HELZ: variants seen among roughly 807,000 people sequenced by gnomAD.
HELZ encodes ATP-dependent RNA helicase with zinc finger domain.
Under a neutral mutation model 218.2 loss-of-function variants are expected in HELZ, and 23 were observed. That is an observed-to-expected ratio of 0.11 (90% CI 0.08 to 0.15). The LOEUF is 0.15. Ranked by LOEUF, HELZ falls within the 10% of genes least tolerant of loss-of-function variation. The pLI is 1.00. For synonymous variants in HELZ, 814 were observed against 829.4 expected, an observed-to-expected ratio of 0.98 and a Z score of 0.32; for missense variants, 1,813 against 2,353.7, an observed-to-expected ratio of 0.77 and a Z score of 4.75.
chr17:67,077,536 G>GT lies in HELZ; in HGVS notation c.*715dup, dbSNP rs1176283002. 6.6e-6 allele frequency: 1 copy of GT among 151,488 alleles called. No individual in the cohort carries two copies. The highest frequency in any genetic ancestry group is 1.5e-5 in the Non-Finnish European group (1 of 67,860). 9.4% of individuals were successfully genotyped at this position (151,488 alleles called of 1,614,324 possible). A position where few individuals can be genotyped will look rare whatever the true frequency, so the allele number is the denominator to read the frequency against. On this transcript the variant is annotated 3_prime_UTR_variant, in exon 33 of 33. Coordinates refer to ENST00000358691, the MANE Select transcript of HELZ (RefSeq NM_014877.4). The stretch of plus-strand genomic sequence containing the variant: ...AATTAACATTAAAAACAAGCTTGAA[G>GT]TGTAGCTTGTCCAAAAAATAACTAA...
intron 32 of HELZ, among the ~76,000 whole-genome samples, chr17:67,085,218 A>C (rs1361190107): frequency 6.6e-6 from 1 of 152,176 alleles, no homozygotes; most frequent in African/African-American, 2.4e-5. Flanking sequence ...CAGGAGTTTG[A>C]GACCAGCCTG....
At position 67,226,640 on chromosome 17, in the gene HELZ, C is replaced by T. The variant is rs140697013; in HGVS notation, c.-18-7818G>A. On this transcript the variant is annotated intron_variant, in intron 3 of 32. Coordinates refer to ENST00000358691, the MANE Select transcript of HELZ (RefSeq NM_014877.4). Reference sequence around the variant, plus strand: ...CACTATATGACCCAGCAATCCCCTTCGCCCCTCAGATACCACAGAGAAATG... The same window carrying T: ...CACTATATGACCCAGCAATCCCCTTTGCCCCTCAGATACCACAGAGAAATG... 7.3e-4 allele frequency among the ~76,000 whole-genome samples: 111 copies of T among 152,272 alleles called. 2 individuals carry two copies. Among genetic ancestry groups the T allele is most frequent in the East Asian group, 6.6e-3 (34 of 5,178 alleles).
chr17:67,073,180 T>G lies in HELZ; in HGVS notation c.*5072A>C, dbSNP rs1296299061. 5 of 152,504 alleles carry G rather than the reference T, an allele frequency of 3.3e-5. No individual in the cohort carries two copies. The highest frequency in any genetic ancestry group is 9.7e-5 in the African/African-American group (4 of 41,444). The allele number at this position is 152,504 out of a possible 1,614,324, so 9.4% of individuals were successfully genotyped here. On this transcript the variant is annotated 3_prime_UTR_variant, in exon 33 of 33. Coordinates refer to ENST00000358691, the MANE Select transcript of HELZ (RefSeq NM_014877.4). ...TTCTCAAACATTAAAAAAGTATTAA[T>G]GAAAACACTTCATAAAATCAAAAAT...
At position 67,076,982 on chromosome 17, in the gene HELZ, T is replaced by C. The variant is rs1173145791; in HGVS notation, c.*1270A>G. 1 of 152,170 alleles carries C rather than the reference T, an allele frequency of 6.6e-6. No individual in the cohort carries two copies. Among genetic ancestry groups the C allele is most frequent in the African/African-American group, 2.4e-5 (1 of 41,426 alleles). The allele number at this position is 152,170 out of a possible 1,614,324, so 9.4% of individuals were successfully genotyped here. On this transcript the variant is annotated 3_prime_UTR_variant, in exon 33 of 33. Coordinates refer to ENST00000358691, the MANE Select transcript of HELZ (RefSeq NM_014877.4). ...GACAAGACCATAAGTTTCAAGAGGG[T>C]AAACATCTTCCTTTGGATTTTACCA...
At chr17:67,167,237 A>G (rs1329561874) in intron 14 of HELZ, among the ~76,000 whole-genome samples, 1 of 152,260 alleles carries the variant, frequency 6.6e-6, no homozygotes, top group East Asian at 1.9e-4. Flanking sequence ...CTCTAATCAG[A>G]AAGCTCAACC....
chr17:67,127,242 C>G (rs530399054), intron 24 of HELZ, among the ~76,000 whole-genome samples: 22 of 152,300 alleles, frequency 1.4e-4, no homozygotes, highest in African/African-American at 5.1e-4. Context: ...CAGGCGGACT[C>G]GGGGGCTAAT....
At position 67,148,782 on chromosome 17, in the gene HELZ, A is replaced by T. The variant is rs2302670; in HGVS notation, c.2476-68T>A. 8.3e-6 allele frequency: 12 copies of T among 1,445,988 alleles called. No homozygotes were observed. In the East Asian group the frequency reaches 2.8e-4, roughly 34 times the overall value. 89.6% of individuals were successfully genotyped at this position (1,445,988 alleles called of 1,614,324 possible). ...AAATAGTATTTTTTAACCTACTTAT[A>T]AAAAATCCACTATGCTAAAACTTCT... On this transcript the variant is annotated intron_variant, in intron 19 of 32. Coordinates refer to ENST00000358691, the MANE Select transcript of HELZ (RefSeq NM_014877.4).
upstream of HELZ, chr17:67,245,935 A>T (rs2041471480): frequency 1.3e-5 from 2 of 152,016 alleles, no homozygotes; most frequent in Admixed American, 1.3e-4. Flanking sequence ...CCACCCTGGG[A>T]GCGTCCGGGC....
chr17:67,212,966 G>C (rs1195593652), intron 5 of HELZ, among the ~76,000 whole-genome samples: 1 of 152,090 alleles, frequency 6.6e-6, no homozygotes, highest in Non-Finnish European at 1.5e-5. Context: ...CTTAGGCATC[G>C]GTTAAACTTA....
chr17:67,171,301 C>T (rs1194662019), intron 13 of HELZ, among the ~76,000 whole-genome samples: 1 of 152,150 alleles, frequency 6.6e-6, no homozygotes, highest in East Asian at 1.9e-4. Context: ...ATTACATGCC[C>T]TTTAAACTCA....
intron 32 of HELZ, among the ~76,000 whole-genome samples, 183 bp from the exon 33 acceptor site, chr17:67,078,769 T>C (rs1262210636): frequency 6.6e-6 from 1 of 152,036 alleles, no homozygotes; most frequent in African/African-American, 2.4e-5. Flanking sequence ...AACGTCCCTA[T>C]CTTATAGACA....
intron 19 of HELZ, among the ~76,000 whole-genome samples, chr17:67,149,090 T>C (rs948521132): frequency 2.0e-5 from 3 of 152,194 alleles, no homozygotes; most frequent in African/African-American, 7.2e-5. Flanking sequence ...GATGAGCTGG[T>C]AGGACATACA....
intron 28 of HELZ, among the ~76,000 whole-genome samples, chr17:67,111,741 A>T (rs17700212): frequency 6.6e-6 from 1 of 152,188 alleles, no homozygotes; most frequent in East Asian, 1.9e-4. Context: ...ATTCTATCTC[A>T]GTTTTCCCAA....
intron 18 of HELZ, 91 bp downstream of exon 18, chr17:67,150,955 G>T: frequency 1.9e-6 from 2 of 1,035,974 alleles, no homozygotes; most frequent in Non-Finnish European, 2.9e-6. Context: ...CAGTGAGCCA[G>T]ATTTGGCCCA....
intron 13 of HELZ, among the ~76,000 whole-genome samples, chr17:67,175,364 T>TC (rs765435552): frequency 2.0e-5 from 3 of 151,852 alleles, no homozygotes; most frequent in Non-Finnish European, 4.4e-5. Context: ...CATAGACACC[T>TC]CCCCCAAAAT....
Position 67,149,926 on chromosome 17 carries a change from T to A in HELZ, c.2416A>T (p.Met806Leu). ...AAQAMECETIMPLALATQNTR... is the reference protein window; with the variant it reads ...AAQAMECETILPLALATQNTR... ...TTTTGAGTTGCTAATGCTAGAGGCA[T>A]AATGGTTTCACACTCCATGGCCTGG... Residue 806 changes from methionine (M) to leucine (L), a missense_variant, in exon 19 of 33, where the codon ATG becomes TTG. Met to Leu is a conservative substitution (Grantham distance 15). Coordinates refer to ENST00000358691, the MANE Select transcript of HELZ (RefSeq NM_014877.4). The A allele has an allele frequency of 2.5e-6, 4 of 1,611,518 alleles. No homozygotes were observed. Among genetic ancestry groups the A allele is most frequent in the African/African-American group, 2.7e-5 (2 of 74,886 alleles).
chr17:67,208,400 T>C (rs528804037), intron 5 of HELZ, among the ~76,000 whole-genome samples: 4 of 152,198 alleles, frequency 2.6e-5, no homozygotes, highest in Non-Finnish European at 5.9e-5. Flanking sequence ...TTCCTTGTAC[T>C]AATGTTAATT....
rs191465493 is a variant in HELZ, at chr17:67,169,055, T to G, written c.1431-1259A>C. The stretch of plus-strand genomic sequence containing the variant: ...TGCAGTAAGCCAATTATCACATCAC[T>G]GCACTCCAGCCTGGGCAACAGAGTG... On this transcript the variant is annotated intron_variant, in intron 13 of 32. Transcript: ENST00000358691. Among the ~76,000 whole-genome samples, 913 of 151,966 alleles carry G rather than the reference T, an allele frequency of 6.0e-3. 5 individuals carry two copies. Among genetic ancestry groups the G allele is most frequent in the Middle Eastern group, 0.014 (4 of 294 alleles).
At chr17:67,162,950 T>G (rs75856864) in intron 15 of HELZ, among the ~76,000 whole-genome samples, 4,745 of 152,158 alleles carry the variant, frequency 0.031, 106 homozygotes, top group Non-Finnish European at 0.052. Context: ...GGACCACATA[T>G]CTCTAGGCTG....
Sources: gnomAD v4.1 joint callset for allele counts (sites outside exome capture counted in the v4.1 genomes callset) on GRCh38, gnomAD v4.1.1 for gene constraint, MANE v1.5 for transcripts, NCBI Gene and HGNC (gene_info 2026-07-23, HGNC 2026-07-21) for gene names.